The following CMSS1 variants were observed in gnomAD, a reference collection of about 807,000 sequenced individuals.
The protein encoded by CMSS1 is protein CMSS1.
In CMSS1, 33 loss-of-function variants were observed where a neutral mutation model predicts 43.5. The observed-to-expected ratio is 0.76, with a 90% confidence interval of 0.57 to 1.01. CMSS1 has a LOEUF of 1.01. Among genes scored for constraint, CMSS1 ranks in the 50% least tolerant of loss-of-function variants. CMSS1 has a pLI of 0.00. For missense variants in CMSS1, 313 were observed against 326.4 expected (o/e 0.96, Z 0.32); for synonymous variants, 115 against 117.2 (o/e 0.98, Z 0.12).
At position 99,818,023 on chromosome 3, in the gene CMSS1, C is replaced by T. The variant is rs202161581; in HGVS notation, c.44C>T (p.Thr15Ile). Residue 15 changes from threonine (T) to isoleucine (I), a missense_variant, in exon 1 of 10, where the codon ACT (threonine) becomes ATT (isoleucine). Physicochemically the swap from Thr to Ile is moderately conservative, Grantham distance 89 (BLOSUM62 -1). Transcript: ENST00000421999. Reference protein sequence around the residue: ...LGDEWWENQPTGAGSSPEASD... With the variant: ...LGDEWWENQPIGAGSSPEASD... The stretch of plus-strand genomic sequence containing the variant: ...GACGAGTGGTGGGAGAACCAGCCGA[C>T]TGGAGCAGGCAGCAGCCCAGGTACC... 6.2e-7 allele frequency: 1 copy of T among 1,613,900 alleles called. No homozygotes were observed. Among genetic ancestry groups the T allele is most frequent in the East Asian group, 2.2e-5 (1 of 44,882 alleles).
intron 1 of CMSS1, among the ~76,000 whole-genome samples, chr3:99,874,909 A>G (rs1270441204): frequency 1.3e-5 from 2 of 152,204 alleles, no homozygotes; most frequent in Non-Finnish European, 2.9e-5. Context: ...GTTATCTTAT[A>G]TGGTCATTTT....
intron 1 of CMSS1, among the ~76,000 whole-genome samples, chr3:99,891,717 A>G (rs1299431771): frequency 6.6e-6 from 1 of 152,180 alleles, no homozygotes; most frequent in African/African-American, 2.4e-5. Flanking sequence ...ATTTCAAATT[A>G]AGAAATGGAG....
chr3:99,882,447 A>G (rs1705760175), intron 1 of CMSS1, among the ~76,000 whole-genome samples: 1 of 152,218 alleles, frequency 6.6e-6, no homozygotes, highest in Non-Finnish European at 1.5e-5. Flanking sequence ...AAATGTATTC[A>G]CTGAGAAAAA....
intron 1 of CMSS1, among the ~76,000 whole-genome samples, chr3:100,077,024 G>C (rs114075591): frequency 6.6e-6 from 1 of 152,178 alleles, no homozygotes; most frequent in African/African-American, 2.4e-5. Context: ...GAGGGCTTTC[G>C]GAACAAGGCT....
intron 1 of CMSS1, among the ~76,000 whole-genome samples, chr3:100,074,120 G>A (rs1238568327): frequency 2.0e-5 from 3 of 152,126 alleles, no homozygotes; most frequent in Admixed American, 6.6e-5. Context: ...TCTTGTTTAT[G>A]TATGCTGTAA....
intron 1 of CMSS1, among the ~76,000 whole-genome samples, chr3:99,946,396 T>C (rs1285644709): frequency 1.3e-5 from 2 of 152,238 alleles, no homozygotes; most frequent in African/African-American, 4.8e-5. Context: ...AGAAAGGGTG[T>C]GTAAGCAGTA....
At chr3:99,883,238 A>G (rs369281080) in intron 1 of CMSS1, among the ~76,000 whole-genome samples, 10 of 152,332 alleles carry the variant, frequency 6.6e-5, no homozygotes, top group East Asian at 5.8e-4. Flanking sequence ...CAGCAAGTCC[A>G]TTCCATTCCA....
At chr3:100,088,140 A>G (rs2066044739) in intron 1 of CMSS1, among the ~76,000 whole-genome samples, 1 of 152,014 alleles carries the variant, frequency 6.6e-6, no homozygotes, top group Non-Finnish European at 1.5e-5. Context: ...TCTAACTATA[A>G]TTTTTTTAAA....
At chr3:99,978,792 C>T (rs965970148) in intron 1 of CMSS1, among the ~76,000 whole-genome samples, 5 of 151,782 alleles carry the variant, frequency 3.3e-5, no homozygotes, top group African/African-American at 7.3e-5. Flanking sequence ...GGCTGAGGCA[C>T]GAGAGTCACT....
At chr3:100,059,573 T>C (rs1419010428) in intron 1 of CMSS1, among the ~76,000 whole-genome samples, 1 of 151,800 alleles carries the variant, frequency 6.6e-6, no homozygotes, top group Non-Finnish European at 1.5e-5. Context: ...AGTTCAGAGG[T>C]TGAAGATTCA....
At chr3:100,015,775 A>G (rs768993151) in intron 1 of CMSS1, among the ~76,000 whole-genome samples, 13 of 152,214 alleles carry the variant, frequency 8.5e-5, no homozygotes, top group Non-Finnish European at 1.6e-4. Flanking sequence ...TGGTACACAG[A>G]AGGCACTCAC....
intron 1 of CMSS1, among the ~76,000 whole-genome samples, chr3:100,005,127 A>G (rs1709952005): frequency 6.6e-6 from 1 of 152,204 alleles, no homozygotes; most frequent in African/African-American, 2.4e-5. Flanking sequence ...TCATAATACC[A>G]AACCTTATCT....
At chr3:99,820,642 G>A (rs1306507595) in intron 1 of CMSS1, among the ~76,000 whole-genome samples, 2 of 152,184 alleles carry the variant, frequency 1.3e-5, no homozygotes, top group Admixed American at 6.5e-5. Flanking sequence ...TCTGTACAGC[G>A]TTTCTAATTC....
intron 1 of CMSS1, among the ~76,000 whole-genome samples, chr3:99,910,086 A>C (rs1176974168): frequency 2.9e-5 from 4 of 136,228 alleles, no homozygotes; most frequent in African/African-American, 1.0e-4. Context: ...TTCAAGTATA[A>C]TATTAGGTAT....
At chr3:100,135,477 T>G (rs1357584211) in intron 1 of CMSS1, among the ~76,000 whole-genome samples, 1 of 150,332 alleles carries the variant, frequency 6.7e-6, no homozygotes, top group African/African-American at 2.5e-5. Context: ...TGTGTGTGTG[T>G]GTGTGTGTGT....
At chr3:100,026,866 A>G (rs963334894) in intron 1 of CMSS1, among the ~76,000 whole-genome samples, 4 of 151,992 alleles carry the variant, frequency 2.6e-5, no homozygotes, top group Non-Finnish European at 4.4e-5. Flanking sequence ...ACTGCCCACA[A>G]TCCTCCAAAG....
intron 1 of CMSS1, among the ~76,000 whole-genome samples, chr3:99,859,486 G>C (rs1392686256): frequency 6.6e-6 from 1 of 152,162 alleles, no homozygotes; most frequent in African/African-American, 2.4e-5. Context: ...TCCAGAGCTA[G>C]TTTAATACAT....
intron 1 of CMSS1, among the ~76,000 whole-genome samples, chr3:100,034,710 A>C (rs2065078104): frequency 6.6e-6 from 1 of 152,312 alleles, no homozygotes; most frequent in East Asian, 1.9e-4. Flanking sequence ...TTCAAAGTAC[A>C]CCTGCTTGAA....
At chr3:100,147,659 C>A (rs1350973513) in intron 2 of CMSS1, among the ~76,000 whole-genome samples, 3 of 152,110 alleles carry the variant, frequency 2.0e-5, no homozygotes, top group Admixed American at 1.3e-4. Flanking sequence ...CAGCCTTATG[C>A]TTTTGGGTAC....
Sources: gnomAD v4.1 joint callset for allele counts (sites outside exome capture counted in the v4.1 genomes callset) on GRCh38, gnomAD v4.1.1 for gene constraint, MANE v1.5 for transcripts, NCBI Gene and HGNC (gene_info 2026-07-23, HGNC 2026-07-21) for gene names.